LEO1: variants seen among roughly 807,000 people sequenced by gnomAD.
The protein encoded by LEO1 is RNA polymerase-associated protein LEO1.
In LEO1, 34 loss-of-function variants were observed where a neutral mutation model predicts 80.4. The observed-to-expected ratio is 0.42, with a 90% CI of 0.32 to 0.56. The LOEUF is 0.56. Ranked by LOEUF, LEO1 falls within the 20% of genes least tolerant of loss-of-function variation. The pLI, the probability that LEO1 is intolerant of heterozygous loss-of-function variation, is 0.10. For missense variants in LEO1, 631 were observed against 814.2 expected, an observed-to-expected ratio of 0.77 and a Z score of 2.74; for synonymous variants, 262 against 274.9, an observed-to-expected ratio of 0.95 and a Z score of 0.46.
In LEO1 at chr15:51,952,194, G is replaced by T. The variant is rs1422733690; in HGVS notation, c.1476-215C>A. 6.8e-6 allele frequency: 3 copies of T among 438,872 alleles called. No individual in the cohort carries two copies. The East Asian group carries it at 1.1e-4, about 16-fold the overall frequency. The allele number at this position is 438,872 out of a possible 1,614,324, so 27.2% of individuals were successfully genotyped here. On this transcript the variant is annotated intron_variant, in intron 8 of 11. Coordinates refer to ENST00000299601, the MANE Select transcript of LEO1 (RefSeq NM_138792.4). ...ATTCTTATTCCACAAATGAAAAACA[G>T]AAGGTTGGAGTAAAAAAGATTGTAT... is the stretch of plus-strand genomic sequence containing the variant.
chr15:51,959,965 A>G lies in LEO1; in HGVS notation c.1094T>C (p.Val365Ala), dbSNP rs1882221462. 6.2e-7 allele frequency: 1 copy of G among 1,613,280 alleles called. No individual in the cohort carries two copies. The highest frequency in any genetic ancestry group is 1.3e-5 in the African/African-American group (1 of 74,898). ...TAAGTCGTTTCCTAAATCAGTGTTT[A>G]CTTTGGGTATTTCTACTTCTATTCT... is the stretch of plus-strand genomic sequence containing the variant. The part of the protein sequence containing the change: ...ETRIEVEIPK[V>A]NTDLGNDLYF... Residue 365 changes from valine (V) to alanine (A), a missense_variant, in exon 5 of 12, where the codon GTA (valine) becomes GCA (alanine). Around this residue, in one of 4 missense-constraint regions of LEO1, gnomAD observed 95 missense variants for 171.7 expected, o/e 0.55. Coordinates refer to ENST00000299601, the MANE Select transcript of LEO1 (RefSeq NM_138792.4).
intron 10 of LEO1, among the ~76,000 whole-genome samples, chr15:51,949,537 T>TA (rs1462016003): frequency 2.0e-5 from 3 of 151,896 alleles, no homozygotes; most frequent in Non-Finnish European, 4.4e-5. Context: ...CCGTCTCTAC[T>TA]AAAAATACAA....
chr15:51,967,401 A>T (rs2057086602), intron 1 of LEO1, among the ~76,000 whole-genome samples: 1 of 152,102 alleles, frequency 6.6e-6, no homozygotes, highest in East Asian at 1.9e-4. Flanking sequence ...TGGATCCAGG[A>T]GGTGGAGGTT....
intron 6 of LEO1, among the ~76,000 whole-genome samples, chr15:51,956,244 C>T (rs1311668790): frequency 6.6e-6 from 1 of 151,902 alleles, no homozygotes; most frequent in Non-Finnish European, 1.5e-5. Flanking sequence ...ACAGTGAAAC[C>T]CCATCTCTGC....
chr15:51,943,056 C>T (rs563640623), intron 11 of LEO1, among the ~76,000 whole-genome samples: 1 of 151,290 alleles, frequency 6.6e-6, no homozygotes, highest in Non-Finnish European at 1.5e-5. Context: ...AGTTTGAGAC[C>T]AGCTTGGGCA....
intron 7 of LEO1, among the ~76,000 whole-genome samples, chr15:51,953,487 G>A (rs990790042): frequency 2.6e-5 from 4 of 152,096 alleles, no homozygotes; most frequent in African/African-American, 9.7e-5. Context: ...TAGGCATGGA[G>A]GCACACCCCT....
chr15:51,948,569 T>G lies in LEO1; in HGVS notation c.1799-1180A>C, dbSNP rs529532930. On this transcript the variant is annotated intron_variant, in intron 10 of 11. Transcript: ENST00000299601. Reference sequence around the variant, plus strand: ...ATGGGACAGTCAGAGAAAAATAAATTTGGGTGTTTTAAAAATTTACTTGTT... The same window carrying G: ...ATGGGACAGTCAGAGAAAAATAAATGTGGGTGTTTTAAAAATTTACTTGTT... Among the ~76,000 whole-genome samples, 4 of 152,152 alleles carry G rather than the reference T, an allele frequency of 2.6e-5. No homozygotes were observed. The East Asian group carries it at 7.7e-4, about 29-fold the overall frequency.
chr15:51,951,033 A>C (rs2056944679), intron 9 of LEO1, among the ~76,000 whole-genome samples: 1 of 152,236 alleles, frequency 6.6e-6, no homozygotes. Flanking sequence ...CTCCATGAAC[A>C]AATACAGGAT....
intron 6 of LEO1, among the ~76,000 whole-genome samples, chr15:51,956,123 T>C (rs1446280417): frequency 2.0e-5 from 3 of 152,004 alleles, no homozygotes; most frequent in Non-Finnish European, 4.4e-5. Flanking sequence ...TGGCCACATA[T>C]AAATACACAA....
At chr15:51,969,599 T>C (rs1375613381) in intron 1 of LEO1, among the ~76,000 whole-genome samples, 1 of 151,782 alleles carries the variant, frequency 6.6e-6, no homozygotes, top group Non-Finnish European at 1.5e-5. Flanking sequence ...CCTAGCACTT[T>C]GAGAGGCCGA....
At chr15:51,962,297 C>A (rs1032530222) in intron 3 of LEO1, 92 bp downstream of exon 3, 1 of 761,298 alleles carries the variant, frequency 1.3e-6, no homozygotes, top group Non-Finnish European at 2.1e-6. Flanking sequence ...GTCTGGCGAT[C>A]TGGGGTAAAC....
At position 51,959,926 on chromosome 15, in the gene LEO1, A is replaced by G; in HGVS notation, c.1133T>C (p.Leu378Pro). The change falls in exon 5 of 12, where the codon CTG becomes CCG. Residue 378 changes from leucine to proline, a missense_variant. Coordinates refer to ENST00000299601, the MANE Select transcript of LEO1 (RefSeq NM_138792.4). ...GGGCTCTACACTGAGAAAGTTGGGC[A>G]GTTTAACAAAATATAAGTCGTTTCC... Reference protein sequence around the residue: ...DLGNDLYFVKLPNFLSVEPRP... With the variant: ...DLGNDLYFVKPPNFLSVEPRP... 6.2e-7 allele frequency: 1 copy of G among 1,610,976 alleles called. No individual in the cohort carries two copies. The highest frequency in any genetic ancestry group is 1.1e-5 in the South Asian group (1 of 90,426).
intron 2 of LEO1, among the ~76,000 whole-genome samples, 167 bp downstream of exon 2, chr15:51,965,582 A>C (rs1221221944): frequency 1.3e-5 from 2 of 152,348 alleles, no homozygotes; most frequent in Non-Finnish European, 2.9e-5. Context: ...TAAGTGGATT[A>C]GAAAGATTTA....
At chr15:51,971,021 C>T (rs2057118600) in intron 1 of LEO1, among the ~76,000 whole-genome samples, 1 of 152,166 alleles carries the variant, frequency 6.6e-6, no homozygotes, top group African/African-American at 2.4e-5. Flanking sequence ...CATGCACATA[C>T]ACTAATTCAT....
intron 2 of LEO1, among the ~76,000 whole-genome samples, chr15:51,965,085 A>C (rs76961183): frequency 0.012 from 1,847 of 152,228 alleles, 40 homozygotes; most frequent in African/African-American, 0.043. Flanking sequence ...TGCACTTTCT[A>C]CATATTATAC....
At chr15:51,967,906 C>T (rs186089876) in intron 1 of LEO1, among the ~76,000 whole-genome samples, 5 of 152,140 alleles carry the variant, frequency 3.3e-5, no homozygotes, top group Admixed American at 6.5e-5. Context: ...AAAGTAGGCC[C>T]GGCGCAGTGG....
Position 51,946,090 on chromosome 15 carries a change from T to A in LEO1, c.1896+1202A>T, listed in dbSNP as rs1428191733. 2.6e-5 allele frequency among the ~76,000 whole-genome samples: 4 copies of A among 152,116 alleles called. No homozygotes were observed. In the East Asian group the frequency reaches 7.7e-4, roughly 29 times the overall value. On this transcript the variant is annotated intron_variant, in intron 11 of 11. Coordinates refer to ENST00000299601, the MANE Select transcript of LEO1 (RefSeq NM_138792.4). ...CTATTCTCTTATAATATGAAAAAGA[T>A]GCTGTTTAAAAATAAGATAAAATAT... is the stretch of plus-strand genomic sequence containing the variant.
chr15:51,939,626 C>G (rs2056831207), intron 11 of LEO1, among the ~76,000 whole-genome samples: 1 of 152,156 alleles, frequency 6.6e-6, no homozygotes, highest in South Asian at 2.1e-4. Flanking sequence ...ACTCCCAGCG[C>G]CACAGGCAAA....
chr15:51,947,591 T>C (rs944610752), intron 10 of LEO1, among the ~76,000 whole-genome samples: 1 of 152,100 alleles, frequency 6.6e-6, no homozygotes, highest in African/African-American at 2.4e-5. Context: ...CAGCTGATTT[T>C]TTTTTTCTTT....
Sources: gnomAD v4.1 joint callset for allele counts (sites outside exome capture counted in the v4.1 genomes callset) on GRCh38, gnomAD v4.1.1 for gene constraint, gnomAD v4.1.1 regional missense constraint, MANE v1.5 for transcripts, NCBI Gene and HGNC (gene_info 2026-07-23, HGNC 2026-07-21) for gene names.